The following SYCE2 variants were observed in gnomAD, a reference collection of about 807,000 sequenced individuals.
SYCE2 encodes the protein synaptonemal complex central element protein 2, also known as central element synaptonemal complex 1.
In SYCE2, 3 loss-of-function variants were observed where a neutral mutation model predicts 27.9. The ratio of observed to expected loss-of-function variants is 0.11; its 90% CI spans 0.05 to 0.28. The LOEUF (loss-of-function observed/expected upper bound fraction) is 0.28, where lower values mean the gene tolerates loss of function less well. Ranked by LOEUF, SYCE2 falls within the 10% of genes least tolerant of loss-of-function variation. SYCE2 has a pLI of 1.00. For synonymous variants in SYCE2, 85 were observed against 100.7 expected (o/e 0.84, Z 0.93); for missense variants, 207 against 263.5 (o/e 0.79, Z 1.48).
In SYCE2 at chr19:12,899,183, C is replaced by T. The variant is rs1400326079; in HGVS notation, c.*158G>A. On this transcript the variant is annotated 3_prime_UTR_variant, in exon 6 of 6. Coordinates refer to ENST00000293695, the MANE Select transcript of SYCE2 (RefSeq NM_001105578.2). ...CCTATGGCAGGGGCTGGACTTGCTA[C>T]ATTTTGGGAGTTCAGCACAAGGAGC... 4.4e-6 allele frequency: 3 copies of T among 679,414 alleles called. No homozygotes were observed. The highest frequency in any genetic ancestry group is 7.6e-6 in the Non-Finnish European group (3 of 395,388). The allele number at this position is 679,414 out of a possible 1,614,324, so 42.1% of individuals were successfully genotyped here.
chr19:12,913,254 C>T (rs774130264), intron 2 of SYCE2, among the ~76,000 whole-genome samples: 2 of 152,206 alleles, frequency 1.3e-5, no homozygotes, highest in East Asian at 1.9e-4. Context: ...GCAGGGCCCA[C>T]GCTGGCAGGG....
chr19:12,904,772 G>A (rs1970902197), intron 2 of SYCE2, 106 bp from the exon 3 acceptor site: 26 of 1,305,544 alleles, frequency 2.0e-5, no homozygotes, highest in Non-Finnish European at 2.7e-5. Flanking sequence ...AGGCCGAGGT[G>A]GGCGGATCAC....
chr19:12,914,805 T>A lies in SYCE2; in HGVS notation c.131+3417A>T, dbSNP rs540186686. ...TGTATTTTTAGTAGAGACGGGGTTTTGCCATGTTGGCCAGGCTGGTCTTGA... is the reference window on the plus strand; with the variant it reads ...TGTATTTTTAGTAGAGACGGGGTTTAGCCATGTTGGCCAGGCTGGTCTTGA... On this transcript the variant is annotated intron_variant, in intron 2 of 5. Transcript: ENST00000293695. Among the ~76,000 whole-genome samples, 11 of 152,240 alleles carry A rather than the reference T, an allele frequency of 7.2e-5. No homozygotes were observed. The South Asian group carries it at 2.3e-3, about 32-fold the overall frequency.
intron 2 of SYCE2, among the ~76,000 whole-genome samples, chr19:12,908,276 C>CTTTTT (rs34286819): frequency 2.3e-5 from 2 of 85,522 alleles, no homozygotes; most frequent in Non-Finnish European, 4.4e-5. Flanking sequence ...ATTTTCTGGG[C>CTTTTT]TTTTTTTTTT....
Position 12,899,198 on chromosome 19 carries a change from G to A in SYCE2, c.*143C>T. 1.3e-6 allele frequency: 1 copy of A among 748,946 alleles called. No individual in the cohort carries two copies. The highest frequency in any genetic ancestry group is 2.2e-6 in the Non-Finnish European group (1 of 448,412). The allele number at this position is 748,946 out of a possible 1,614,324, so 46.4% of individuals were successfully genotyped here. On this transcript the variant is annotated 3_prime_UTR_variant, in exon 6 of 6. Coordinates refer to ENST00000293695, the MANE Select transcript of SYCE2 (RefSeq NM_001105578.2). ...GGACTTGCTACATTTTGGGAGTTCA[G>A]CACAAGGAGCTTTGGGTTTTTGTTT...
intron 3 of SYCE2, among the ~76,000 whole-genome samples, chr19:12,901,281 C>A (rs894148753): frequency 1.3e-5 from 2 of 151,806 alleles, no homozygotes; most frequent in African/African-American, 2.4e-5. Flanking sequence ...GAGGCTGAGA[C>A]AGGAGAATTG....
Position 12,899,239 on chromosome 19 carries a change from C to T in SYCE2, c.*102G>A. ...GTTTTTGTTTTTTTCTGCCAAGATG[C>T]ATTATAGAACCATGAAAAACAATTT... On this transcript the variant is annotated 3_prime_UTR_variant, in exon 6 of 6. Coordinates refer to ENST00000293695, the MANE Select transcript of SYCE2 (RefSeq NM_001105578.2). 9.3e-7 allele frequency: 1 copy of T among 1,072,276 alleles called. No homozygotes were observed. The highest frequency in any genetic ancestry group is 1.4e-6 in the Non-Finnish European group (1 of 702,002). The allele number at this position is 1,072,276 out of a possible 1,614,324, so 66.4% of individuals were successfully genotyped here.
At chr19:12,913,403 A>C (rs535321898) in intron 2 of SYCE2, among the ~76,000 whole-genome samples, 1 of 152,328 alleles carries the variant, frequency 6.6e-6, no homozygotes, top group African/African-American at 2.4e-5. Context: ...CAGATATACA[A>C]GTAAACAATC....
intron 2 of SYCE2, among the ~76,000 whole-genome samples, chr19:12,913,837 CT>C (rs199775445): frequency 1.5e-4 from 23 of 151,386 alleles, no homozygotes; most frequent in Admixed American, 1.4e-3. Flanking sequence ...CATTGCTTCC[CT>C]TTTTTTTTGG....
intron 3 of SYCE2, among the ~76,000 whole-genome samples, chr19:12,901,123 C>T (rs1294043354): frequency 6.6e-6 from 1 of 150,846 alleles, no homozygotes; most frequent in South Asian, 2.1e-4. Context: ...GAGCTGAGAT[C>T]GCGCCACTGC....
In SYCE2 at chr19:12,913,415, G is replaced by A. The variant is rs189632936; in HGVS notation, c.131+4807C>T. Among the ~76,000 whole-genome samples the A allele has an allele frequency of 2.8e-4, 42 of 152,140 alleles. 1 individual carries two copies. The East Asian group carries it at 5.2e-3, about 19-fold the overall frequency. On this transcript the variant is annotated intron_variant, in intron 2 of 5. Coordinates refer to ENST00000293695, the MANE Select transcript of SYCE2 (RefSeq NM_001105578.2). Reference sequence around the variant, plus strand: ...TAACAGATATACAAGTAAACAATCCGCCAGCCACTTATGACCACCGAGGGT... The same window carrying A: ...TAACAGATATACAAGTAAACAATCCACCAGCCACTTATGACCACCGAGGGT...
intron 2 of SYCE2, among the ~76,000 whole-genome samples, chr19:12,908,741 GAT>G (rs1463446132): frequency 6.6e-6 from 1 of 152,158 alleles, no homozygotes; most frequent in African/African-American, 2.4e-5. Context: ...TGGTTAGACC[GAT>G]AGACATCTCA....
At chr19:12,909,070 A>T (rs1266913791) in intron 2 of SYCE2, among the ~76,000 whole-genome samples, 1 of 152,178 alleles carries the variant, frequency 6.6e-6, no homozygotes, top group Non-Finnish European at 1.5e-5. Context: ...CCTTGGCTGG[A>T]TTAGGTGCAC....
At chr19:12,904,841 CAAAA>C in intron 2 of SYCE2, 175 bp from the exon 3 acceptor site, 1 of 629,478 alleles carries the variant, frequency 1.6e-6, no homozygotes, top group Non-Finnish European at 2.6e-6. Context: ...CTAGTAAAAA[CAAAA>C]AAACAAAAAA....
intron 1 of SYCE2, among the ~76,000 whole-genome samples, chr19:12,918,960 A>AG (rs1415485301): frequency 1.7e-4 from 18 of 103,274 alleles, no homozygotes; most frequent in Non-Finnish European, 3.1e-4. Flanking sequence ...CAAAAAAAAA[A>AG]AAAAAAAGAA....
intron 2 of SYCE2, chr19:12,906,190 C>G (rs1265339215): frequency 6.6e-6 from 1 of 152,222 alleles, no homozygotes; most frequent in African/African-American, 2.4e-5. Flanking sequence ...TGTCATTAAC[C>G]TGCTGCATCC....
intron 2 of SYCE2, among the ~76,000 whole-genome samples, chr19:12,911,316 G>C (rs1269528414): frequency 6.6e-6 from 1 of 152,058 alleles, no homozygotes; most frequent in Non-Finnish European, 1.5e-5. Flanking sequence ...ACTCCTGTTT[G>C]TTAGCCTAAA....
intron 2 of SYCE2, among the ~76,000 whole-genome samples, chr19:12,906,751 A>T (rs1025632220): frequency 7.9e-5 from 12 of 152,192 alleles, no homozygotes; most frequent in Middle Eastern, 3.4e-3. Context: ...TACTAAAAAC[A>T]CAAAAAATTA....
intron 2 of SYCE2, 127 bp from the exon 3 acceptor site, chr19:12,904,793 G>T: frequency 1.9e-6 from 2 of 1,052,718 alleles, no homozygotes; most frequent in South Asian, 3.1e-5. Flanking sequence ...AAGGTCAGGA[G>T]TTCGAGACCA....
Sources: allele counts gnomAD v4.1 joint callset (sites outside exome capture counted in the v4.1 genomes callset), GRCh38; gene constraint gnomAD v4.1.1; transcripts MANE v1.5; gene names NCBI Gene and HGNC (gene_info 2026-07-23, HGNC 2026-07-21).